The following GALNTL6 variants were observed in gnomAD, a reference collection of about 807,000 sequenced individuals.
GALNTL6 encodes the protein polypeptide N-acetylgalactosaminyltransferase like 6.
Under a neutral mutation model 73.7 loss-of-function variants are expected in GALNTL6, and 46 were observed. The ratio of observed to expected loss-of-function variants is 0.62; its 90% CI spans 0.49 to 0.80. The LOEUF (loss-of-function observed/expected upper bound fraction) is 0.80. Among genes scored for constraint, GALNTL6 ranks in the 30% least tolerant of loss-of-function variants. GALNTL6 has a pLI of 0.00. For synonymous variants in GALNTL6, 259 were observed against 263.7 expected, an observed-to-expected ratio of 0.98 and a Z score of 0.17; for missense variants, 604 against 755.0, an observed-to-expected ratio of 0.80 and a Z score of 2.34.
chr4:172,582,372 G>A (rs1737224199), intron 5 of GALNTL6, among the ~76,000 whole-genome samples: 1 of 152,004 alleles, frequency 6.6e-6, no homozygotes, highest in Non-Finnish European at 1.5e-5. Flanking sequence ...CTATCCCTTG[G>A]TATCTTGGTA....
chr4:171,910,822 G>T (rs1578963920), intron 2 of GALNTL6, among the ~76,000 whole-genome samples: 1 of 151,848 alleles, frequency 6.6e-6, no homozygotes, highest in East Asian at 1.9e-4. Flanking sequence ...TCAACAGGTT[G>T]GTACTCATAA....
At chr4:172,064,137 C>G (rs2110887432) in intron 2 of GALNTL6, among the ~76,000 whole-genome samples, 1 of 152,216 alleles carries the variant, frequency 6.6e-6, no homozygotes, top group Middle Eastern at 3.4e-3. Flanking sequence ...AAATATAAAC[C>G]CTTGATTCAA....
intron 5 of GALNTL6, among the ~76,000 whole-genome samples, chr4:172,735,765 G>T (rs1736422447): frequency 6.6e-6 from 1 of 152,112 alleles, no homozygotes; most frequent in Admixed American, 6.5e-5. Context: ...GGGTTATCAG[G>T]GGTACCAGCC....
chr4:172,515,613 G>A (rs1241313327), intron 5 of GALNTL6, among the ~76,000 whole-genome samples: 3 of 152,198 alleles, frequency 2.0e-5, no homozygotes, highest in Non-Finnish European at 4.4e-5. Flanking sequence ...TTGAACACTG[G>A]GTGTGATAAC....
chr4:173,018,693 A>G (rs1752875798), intron 11 of GALNTL6, among the ~76,000 whole-genome samples: 1 of 152,230 alleles, frequency 6.6e-6, no homozygotes, highest in Non-Finnish European at 1.5e-5. Context: ...TTTTCCAACC[A>G]GAGGGATTTA....
intron 2 of GALNTL6, among the ~76,000 whole-genome samples, chr4:172,133,861 A>T (rs1733566380): frequency 6.6e-6 from 1 of 152,238 alleles, no homozygotes; most frequent in Admixed American, 6.5e-5. Context: ...AAAGTCTCAA[A>T]GATCACATGA....
chr4:172,871,928 G>A lies in GALNTL6; in HGVS notation c.924-10862G>A, dbSNP rs118139695. Among the ~76,000 whole-genome samples, 56 of 152,014 alleles carry A rather than the reference G, an allele frequency of 3.7e-4. No homozygotes were observed. In the East Asian group the frequency reaches 0.01, roughly 28 times the overall value. On this transcript the variant is annotated intron_variant, in intron 7 of 12. Coordinates refer to ENST00000506823, the MANE Select transcript of GALNTL6 (RefSeq NM_001034845.3). ...CCTCCCGATTAGCTCCGATTAGCTGGGATTACAGGCATGCGCCACCATGCC... is the reference window on the plus strand; with the variant it reads ...CCTCCCGATTAGCTCCGATTAGCTGAGATTACAGGCATGCGCCACCATGCC...
At chr4:172,477,991 T>A (rs1339069660) in intron 5 of GALNTL6, among the ~76,000 whole-genome samples, 1 of 152,176 alleles carries the variant, frequency 6.6e-6, no homozygotes, top group African/African-American at 2.4e-5. Flanking sequence ...GATAATGACC[T>A]GGAGGTAGTG....
At chr4:171,948,045 A>G (rs1025325394) in intron 2 of GALNTL6, among the ~76,000 whole-genome samples, 1 of 152,202 alleles carries the variant, frequency 6.6e-6, no homozygotes, top group Non-Finnish European at 1.5e-5. Flanking sequence ...TCATTTATGT[A>G]ATAGTGAGAT....
chr4:172,072,096 C>A (rs1490403118), intron 2 of GALNTL6, among the ~76,000 whole-genome samples: 1 of 152,110 alleles, frequency 6.6e-6, no homozygotes, highest in Non-Finnish European at 1.5e-5. Context: ...CAGGTTGCTG[C>A]AGATTGTGGG....
At chr4:172,606,600 A>ACATAGTATATG (rs1738286159) in intron 5 of GALNTL6, among the ~76,000 whole-genome samples, 2 of 113,426 alleles carry the variant, frequency 1.8e-5, no homozygotes, top group African/African-American at 6.0e-5. Flanking sequence ...ATACACATAT[A>ACATAGTATATG]TACATATATA....
At chr4:172,119,275 C>T (rs1409996341) in intron 2 of GALNTL6, among the ~76,000 whole-genome samples, 1 of 152,148 alleles carries the variant, frequency 6.6e-6, no homozygotes, top group African/African-American at 2.4e-5. Flanking sequence ...TTGTATCTCA[C>T]TCTAACATTG....
chr4:172,361,551 CT>C (rs1195507426), intron 5 of GALNTL6, among the ~76,000 whole-genome samples: 1 of 152,064 alleles, frequency 6.6e-6, no homozygotes, highest in African/African-American at 2.4e-5. Context: ...TGGGTCTGTA[CT>C]TAGCCTAAAA....
At chr4:172,786,504 G>A (rs1739661083) in intron 5 of GALNTL6, among the ~76,000 whole-genome samples, 1 of 152,136 alleles carries the variant, frequency 6.6e-6, no homozygotes, top group African/African-American at 2.4e-5. Context: ...TGTTTGGCAA[G>A]ATTTTTAGTT....
chr4:172,666,840 G>T (rs189183499), intron 5 of GALNTL6: 1 of 152,256 alleles, frequency 6.6e-6, no homozygotes, highest in Admixed American at 6.5e-5. Flanking sequence ...ACTAGTCTAC[G>T]CTGTATTTGC....
rs181864951 is a variant in GALNTL6, at chr4:172,277,845, T to C, written c.248-33769T>C. ...TCAGCCTTCATTAATTTTTAACATA[T>C]TTCATTCTAGAAATGCAAATCCAGA... On this transcript the variant is annotated intron_variant, in intron 3 of 12. Coordinates refer to ENST00000506823, the MANE Select transcript of GALNTL6 (RefSeq NM_001034845.3). Among the ~76,000 whole-genome samples the C allele has an allele frequency of 1.2e-3, 177 of 152,320 alleles. 1 individual carries two copies. The highest frequency in any genetic ancestry group is 4.3e-4 in the Non-Finnish European group (29 of 68,022).
intron 3 of GALNTL6, among the ~76,000 whole-genome samples, chr4:172,283,423 T>C (rs1579330979): frequency 6.6e-6 from 1 of 152,136 alleles, no homozygotes; most frequent in Non-Finnish European, 1.5e-5. Flanking sequence ...TATGAGAAAA[T>C]AGCAGTTAAT....
At chr4:172,647,828 C>T (rs562399622) in intron 5 of GALNTL6, among the ~76,000 whole-genome samples, 6 of 152,028 alleles carry the variant, frequency 3.9e-5, no homozygotes, top group African/African-American at 1.2e-4. Context: ...CCCAGTGCAC[C>T]CTACAATGGT....
intron 3 of GALNTL6, among the ~76,000 whole-genome samples, chr4:172,281,802 A>G (rs1167529691): frequency 2.6e-5 from 4 of 152,152 alleles, no homozygotes; most frequent in Admixed American, 1.3e-4. Flanking sequence ...ATTTAATCAC[A>G]TCTGCGAATT....
Sources: gnomAD v4.1 joint callset for allele counts (sites outside exome capture counted in the v4.1 genomes callset) on GRCh38, gnomAD v4.1.1 for gene constraint, MANE v1.5 for transcripts, NCBI Gene and HGNC (gene_info 2026-07-23, HGNC 2026-07-21) for gene names.